The following RAPGEF4 variants were observed in gnomAD, a reference collection of about 807,000 sequenced individuals.
The protein encoded by RAPGEF4 is RAP guanine-nucleotide-exchange factor (GEF) 4.
RAPGEF4 carries 66 observed loss-of-function variants against 147.9 expected under a neutral mutation model. The ratio of observed to expected loss-of-function variants is 0.45; its 90% CI spans 0.37 to 0.55. RAPGEF4 has a LOEUF of 0.55. RAPGEF4 is among the 20% of genes least tolerant of loss of function. The probability of loss-of-function intolerance (pLI) is 0.00; values close to 1 mark genes in which losing one functional copy is unlikely to be tolerated. For missense variants in RAPGEF4, 1,071 were observed against 1,257.3 expected (o/e 0.85, Z 2.24); for synonymous variants, 419 against 442.7 (o/e 0.95, Z 0.67).
intron 17 of RAPGEF4, among the ~76,000 whole-genome samples, chr2:173,001,906 G>C (rs1401444380): frequency 1.4e-5 from 2 of 145,432 alleles, no homozygotes; most frequent in Non-Finnish European, 3.0e-5. Flanking sequence ...ATTTCAACAT[G>C]AGATATGGGC....
intron 1 of RAPGEF4, among the ~76,000 whole-genome samples, chr2:172,761,999 G>A (rs745837113): frequency 6.6e-6 from 1 of 152,130 alleles, no homozygotes; most frequent in Non-Finnish European, 1.5e-5. Context: ...ACGAGCACCT[G>A]TAATCCAAGC....
At chr2:172,763,951 A>G (rs1264049809) in intron 1 of RAPGEF4, among the ~76,000 whole-genome samples, 1 of 152,176 alleles carries the variant, frequency 6.6e-6, no homozygotes, top group Non-Finnish European at 1.5e-5. Flanking sequence ...TACTTAACCT[A>G]TAAAAAGTAA....
At chr2:173,026,457 T>G (rs1696673253) in intron 23 of RAPGEF4, 115 bp from the exon 24 acceptor site, 1 of 1,152,436 alleles carries the variant, frequency 8.7e-7, no homozygotes, top group African/African-American at 1.6e-5. Flanking sequence ...TTTCCAGATA[T>G]TCCTGAAAGC....
At chr2:172,964,401 A>ATTTTTTT (rs11374637) in intron 8 of RAPGEF4, among the ~76,000 whole-genome samples, 1 of 115,156 alleles carries the variant, frequency 8.7e-6, no homozygotes, top group African/African-American at 3.4e-5. Context: ...TGCTCCTCCT[A>ATTTTTTT]TTTTTTTTTT....
chr2:173,036,569 CT>C (rs955086912), intron 28 of RAPGEF4, 58 bp from the exon 29 acceptor site: 6 of 1,322,832 alleles, frequency 4.5e-6, no homozygotes, highest in Non-Finnish European at 5.4e-6. Context: ...TGCTATTGTG[CT>C]TTCTTAGTAT....
intron 29 of RAPGEF4, chr2:173,048,352 A>AT (rs1228885281): frequency 7.0e-6 from 5 of 717,136 alleles, no homozygotes; most frequent in Non-Finnish European, 8.0e-6. Context: ...ATCATGGGGA[A>AT]TATGCCAACA....
chr2:172,775,903 G>T (rs960866970), intron 1 of RAPGEF4, among the ~76,000 whole-genome samples: 1 of 152,138 alleles, frequency 6.6e-6, no homozygotes, highest in Non-Finnish European at 1.5e-5. Flanking sequence ...ATACTCTTTA[G>T]CTATAGGACC....
At chr2:172,972,477 C>T (rs1252272873) in intron 10 of RAPGEF4, among the ~76,000 whole-genome samples, 2 of 152,164 alleles carry the variant, frequency 1.3e-5, no homozygotes, top group Admixed American at 1.3e-4. Context: ...CCGAAAGAAC[C>T]TAGGCTTCTG....
intron 8 of RAPGEF4, 50 bp from the exon 9 acceptor site, chr2:172,965,512 T>C (rs775448291): frequency 1.6e-5 from 25 of 1,584,892 alleles, no homozygotes; most frequent in Non-Finnish European, 2.0e-5. Flanking sequence ...TCCCATCCTC[T>C]ATCTGAAAAG....
intron 4 of RAPGEF4, among the ~76,000 whole-genome samples, chr2:172,904,733 C>T (rs1470701167): frequency 6.6e-6 from 1 of 151,540 alleles, no homozygotes; most frequent in African/African-American, 2.4e-5. Context: ...ACACCACTTC[C>T]CTCTCTCTTT....
At chr2:172,906,573 A>G (rs1223801726) in intron 4 of RAPGEF4, among the ~76,000 whole-genome samples, 1 of 152,160 alleles carries the variant, frequency 6.6e-6, no homozygotes, top group Non-Finnish European at 1.5e-5. Flanking sequence ...GCAAGGGGAC[A>G]GTTGTGGGAA....
intron 4 of RAPGEF4, among the ~76,000 whole-genome samples, chr2:172,916,935 A>G (rs1379092147): frequency 6.6e-6 from 1 of 152,230 alleles, no homozygotes; most frequent in East Asian, 1.9e-4. Flanking sequence ...TAAACCATAA[A>G]TATACATGAC....
chr2:172,842,634 C>T (rs1408951699), intron 4 of RAPGEF4, among the ~76,000 whole-genome samples: 2 of 152,192 alleles, frequency 1.3e-5, no homozygotes, highest in Non-Finnish European at 2.9e-5. Flanking sequence ...ATGGCTGTTC[C>T]ATGTGACTGC....
At chr2:172,968,824 C>G (rs1157725619) in intron 10 of RAPGEF4, among the ~76,000 whole-genome samples, 1 of 152,144 alleles carries the variant, frequency 6.6e-6, no homozygotes, top group Middle Eastern at 3.2e-3. Context: ...ATCCCTGGGG[C>G]CTGGGGAACT....
intron 1 of RAPGEF4, among the ~76,000 whole-genome samples, chr2:172,761,850 A>G (rs1012330357): frequency 4.6e-5 from 7 of 152,130 alleles, no homozygotes; most frequent in Non-Finnish European, 4.4e-5. Context: ...TCGGCCTGGC[A>G]TGGTGGCTCA....
intron 4 of RAPGEF4, among the ~76,000 whole-genome samples, chr2:172,886,743 G>A (rs553139224): frequency 6.7e-6 from 1 of 149,042 alleles, no homozygotes; most frequent in East Asian, 2.0e-4. Context: ...TCTTTCTAAA[G>A]AGATAGAGAT....
intron 4 of RAPGEF4, among the ~76,000 whole-genome samples, chr2:172,900,330 C>G (rs1698939179): frequency 6.6e-6 from 1 of 152,186 alleles, no homozygotes; most frequent in Non-Finnish European, 1.5e-5. Context: ...ACTTCCAACT[C>G]CTGGGTTCAA....
At position 172,988,241 on chromosome 2, in the gene RAPGEF4, A is replaced by C. The variant is rs1212031485; in HGVS notation, c.1196A>C (p.Lys399Thr). 1 of 1,611,848 alleles carries C rather than the reference A, an allele frequency of 6.2e-7. No individual in the cohort carries two copies. The highest frequency in any genetic ancestry group is 8.5e-7 in the Non-Finnish European group (1 of 1,179,550). The stretch of plus-strand genomic sequence containing the variant: ...GGTACCTCCTGGTACATTATTCTAA[A>C]AGGATCAGTGAATGTAGTCATTTAC... ...EEGTSWYIIL[K>T]GSVNVVIYGK... The change falls in exon 13 of 31, where the codon AAA (lysine) becomes ACA (threonine). Residue 399 changes from lysine (K) to threonine (T), a missense_variant. Lys to Thr is a moderately conservative substitution (Grantham distance 78). Transcript: ENST00000397081.
rs143087390 is a variant in RAPGEF4 at position 172,765,667 on chromosome 2, C to T, written c.66-29358C>T. On this transcript the variant is annotated intron_variant, in intron 1 of 30. Transcript: ENST00000397081. ...TAAGCCTGGATCCAGCCATGGCCAA[C>T]GATTTCCTCATATTTTCCTATGACC... Among the ~76,000 whole-genome samples the T allele has an allele frequency of 1.8e-3, 277 of 152,288 alleles. 1 individual carries two copies. The highest frequency in any genetic ancestry group is 6.4e-3 in the African/African-American group (264 of 41,544).
Sources: gnomAD v4.1 joint callset for allele counts (sites outside exome capture counted in the v4.1 genomes callset) on GRCh38, gnomAD v4.1.1 for gene constraint, MANE v1.5 for transcripts, NCBI Gene and HGNC (gene_info 2026-07-23, HGNC 2026-07-21) for gene names.